Variants in CDH13 observed in about 807,000 individuals in gnomAD.
The protein encoded by CDH13 is cadherin 13.
CDH13 carries 24 observed loss-of-function variants against 63.8 expected under a neutral mutation model. The ratio of observed to expected loss-of-function variants is 0.38; its 90% CI spans 0.27 to 0.53. CDH13 has a LOEUF of 0.53. CDH13 is among the 20% of genes least tolerant of loss of function. The pLI, the probability that CDH13 is intolerant of heterozygous loss-of-function variation, is 0.85. For missense variants in CDH13, 1,049 were observed against 903.1 expected (o/e 1.16, Z -2.07); for synonymous variants, 503 against 355.3 (o/e 1.42, Z -4.67).
intron 1 of CDH13, among the ~76,000 whole-genome samples, chr16:82,798,495 C>G (rs2036696627): frequency 6.6e-6 from 1 of 152,118 alleles, no homozygotes; most frequent in Non-Finnish European, 1.5e-5. Flanking sequence ...ACCATCATTT[C>G]TAAGAGAATT....
At chr16:83,716,277 C>G (rs188533377) in intron 10 of CDH13, among the ~76,000 whole-genome samples, 1 of 152,144 alleles carries the variant, frequency 6.6e-6, no homozygotes, top group Non-Finnish European at 1.5e-5. Flanking sequence ...ACGTCATGAT[C>G]ACCAGAGGCC....
chr16:83,149,659 G>A (rs944869375), intron 4 of CDH13, among the ~76,000 whole-genome samples: 15 of 152,110 alleles, frequency 9.9e-5, no homozygotes, highest in African/African-American at 3.6e-4. Flanking sequence ...AAGTTACACT[G>A]GTTTCTAAAA....
chr16:82,908,298 C>A (rs2041714799), intron 2 of CDH13, among the ~76,000 whole-genome samples: 1 of 152,140 alleles, frequency 6.6e-6, no homozygotes. Flanking sequence ...CCAGAATGTT[C>A]TGGAAAGTGC....
intron 9 of CDH13, among the ~76,000 whole-genome samples, chr16:83,676,278 G>C (rs1914947250): frequency 6.6e-6 from 1 of 152,170 alleles, no homozygotes; most frequent in Admixed American, 6.5e-5. Context: ...AGAATCAGAT[G>C]TCAGACCAAA....
chr16:83,479,119 G>A (rs555048348), intron 6 of CDH13, among the ~76,000 whole-genome samples: 2 of 152,342 alleles, frequency 1.3e-5, no homozygotes, highest in East Asian at 3.9e-4. Flanking sequence ...CACAAGACCA[G>A]AGGAAGCGGA....
intron 7 of CDH13, among the ~76,000 whole-genome samples, chr16:83,523,886 C>G (rs576497727): frequency 1.3e-5 from 2 of 152,194 alleles, no homozygotes; most frequent in Admixed American, 6.5e-5. Flanking sequence ...GATGAAGCAT[C>G]CAGAACCTGT....
intron 2 of CDH13, among the ~76,000 whole-genome samples, chr16:83,015,857 A>G (rs920353538): frequency 2.6e-5 from 4 of 151,642 alleles, no homozygotes; most frequent in Middle Eastern, 3.4e-3. Flanking sequence ...GAATTATTCA[A>G]TTGCAAAAGT....
intron 5 of CDH13, among the ~76,000 whole-genome samples, chr16:83,306,767 G>A (rs769537817): frequency 3.3e-5 from 5 of 152,104 alleles, no homozygotes; most frequent in Non-Finnish European, 7.3e-5. Flanking sequence ...AAGAAATGTG[G>A]GTTGTATCCC....
intron 7 of CDH13, among the ~76,000 whole-genome samples, chr16:83,519,518 A>C (rs1288553300): frequency 2.0e-5 from 3 of 152,244 alleles, no homozygotes; most frequent in African/African-American, 7.2e-5. Flanking sequence ...CAGAGGAAGA[A>C]AATTAGCCAC....
chr16:83,018,411 G>A (rs533375441), intron 2 of CDH13, among the ~76,000 whole-genome samples: 1 of 152,286 alleles, frequency 6.6e-6, no homozygotes, highest in African/African-American at 2.4e-5. Flanking sequence ...TGGGTTAATG[G>A]ATGAGTATGT....
At chr16:83,615,164 C>T (rs1301541468) in intron 8 of CDH13, among the ~76,000 whole-genome samples, 1 of 152,110 alleles carries the variant, frequency 6.6e-6, no homozygotes, top group Non-Finnish European at 1.5e-5. Context: ...CTCCAGGATT[C>T]CGTGCAATAT....
intron 1 of CDH13, among the ~76,000 whole-genome samples, chr16:82,672,973 T>C (rs1178847989): frequency 2.7e-5 from 4 of 147,360 alleles, no homozygotes; most frequent in South Asian, 4.3e-4. Flanking sequence ...CGTGCCACCA[T>C]GTATGGCTAA....
At chr16:83,135,241 G>T (rs1182153257) in intron 4 of CDH13, among the ~76,000 whole-genome samples, 2 of 152,132 alleles carry the variant, frequency 1.3e-5, no homozygotes, top group Non-Finnish European at 2.9e-5. Context: ...TAAGTAACTT[G>T]CCCAGGGTAA....
chr16:82,812,798 C>G (rs778160711), intron 1 of CDH13, among the ~76,000 whole-genome samples: 5 of 151,740 alleles, frequency 3.3e-5, no homozygotes, highest in African/African-American at 1.2e-4. Flanking sequence ...TCCTTTCCTT[C>G]TCTTCCTTCC....
intron 2 of CDH13, among the ~76,000 whole-genome samples, chr16:82,963,633 A>C (rs1358449659): frequency 6.6e-6 from 1 of 152,144 alleles, no homozygotes; most frequent in Non-Finnish European, 1.5e-5. Context: ...CCCCATTAGG[A>C]AGTATGCTCC....
At chr16:82,912,783 A>C (rs1420172854) in intron 2 of CDH13, among the ~76,000 whole-genome samples, 2 of 152,108 alleles carry the variant, frequency 1.3e-5, no homozygotes, top group African/African-American at 4.8e-5. Flanking sequence ...CTCTACTAAA[A>C]ATACAAAATA....
At chr16:83,137,420 C>G (rs928322332) in intron 4 of CDH13, among the ~76,000 whole-genome samples, 1 of 152,210 alleles carries the variant, frequency 6.6e-6, no homozygotes, top group African/African-American at 2.4e-5. Context: ...GTTAACCTCG[C>G]CAACATTTAT....
intron 2 of CDH13, among the ~76,000 whole-genome samples, chr16:82,956,434 T>C (rs527251077): frequency 6.6e-6 from 1 of 152,272 alleles, no homozygotes; most frequent in South Asian, 2.1e-4. Flanking sequence ...CCTTTGGAAC[T>C]CCTCATGGAT....
chr16:83,423,114 C>G (rs1483148453), intron 6 of CDH13, among the ~76,000 whole-genome samples: 4 of 152,122 alleles, frequency 2.6e-5, no homozygotes, highest in African/African-American at 9.7e-5. Context: ...TGTTTCCCCC[C>G]ATTTTCTGCT....
Sources: gnomAD v4.1 joint callset for allele counts (sites outside exome capture counted in the v4.1 genomes callset) on GRCh38, gnomAD v4.1.1 for gene constraint, MANE v1.5 for transcripts, NCBI Gene and HGNC (gene_info 2026-07-23, HGNC 2026-07-21) for gene names.